Variants in EML4 observed in about 807,000 individuals in gnomAD.
EML4 encodes the protein echinoderm microtubule-associated protein-like 4.
A neutral mutation model predicts 129.0 loss-of-function variants in EML4; 72 were observed. The ratio of observed to expected loss-of-function variants is 0.56; its 90% CI spans 0.46 to 0.68. EML4 has a LOEUF of 0.68. Ranked by LOEUF, EML4 falls within the 30% of genes least tolerant of loss-of-function variation. EML4 has a pLI of 0.00. For synonymous variants in EML4, 532 were observed against 405.0 expected, an observed-to-expected ratio of 1.31 and a Z score of -3.77; for missense variants, 1,363 against 1,190.6, an observed-to-expected ratio of 1.14 and a Z score of -2.13.
chr2:42,325,548 T>C lies in EML4; in HGVS notation c.2236T>C (p.Leu746=), dbSNP rs746694589. 5.2e-6 allele frequency: 7 copies of C among 1,358,232 alleles called. No homozygotes were observed. The highest frequency in any genetic ancestry group is 2.9e-5 in the African/African-American group (2 of 69,468). 84.1% of individuals were successfully genotyped at this position (1,358,232 alleles called of 1,614,324 possible). A position where few individuals can be genotyped will look rare whatever the true frequency, so the allele number is the denominator to read the frequency against. The change falls in exon 20 of 23, where the codon TTG becomes CTG. Residue 746 remains leucine (L), a synonymous_variant. Coordinates refer to ENST00000318522, the MANE Select transcript of EML4 (RefSeq NM_019063.5). ...GTCTAACTCGGGAGACTATGAAATA[T>C]TGTACTGTAAGTATGAATGATTTTA... ...IMSNSGDYEI[L]YWDIPNGCKL... is the part of the protein sequence containing the mutation.
chr2:42,266,383 G>A (rs925041681), intron 6 of EML4, among the ~76,000 whole-genome samples: 8 of 152,162 alleles, frequency 5.3e-5, no homozygotes, highest in African/African-American at 1.9e-4. Context: ...GTCTTGCTCT[G>A]TTGCCCCGGC....
intron 22 of EML4, among the ~76,000 whole-genome samples, 158 bp from the exon 23 acceptor site, chr2:42,329,576 G>C (rs1482649966): frequency 6.6e-6 from 1 of 152,036 alleles, no homozygotes; most frequent in Non-Finnish European, 1.5e-5. Context: ...AGGAAATAAC[G>C]GCTAGCCTTA....
chr2:42,293,611 C>T (rs770585371), intron 11 of EML4, among the ~76,000 whole-genome samples: 6 of 151,878 alleles, frequency 4.0e-5, no homozygotes, highest in Non-Finnish European at 8.8e-5. Context: ...TCATCTTTAT[C>T]TTGGTTTTGT....
At chr2:42,235,815 C>A (rs1480975561) in intron 1 of EML4, among the ~76,000 whole-genome samples, 5 of 151,868 alleles carry the variant, frequency 3.3e-5, no homozygotes, top group Non-Finnish European at 7.4e-5. Flanking sequence ...TGTTTTTATG[C>A]CACAAAACCC....
At chr2:42,192,586 C>G (rs1558489041) in intron 1 of EML4, among the ~76,000 whole-genome samples, 1 of 152,060 alleles carries the variant, frequency 6.6e-6, no homozygotes, top group East Asian at 1.9e-4. Context: ...TCCAGTCCCT[C>G]AAATACTAGA....
Position 42,303,148 on chromosome 2 carries a change from G to A in EML4, c.1686G>A (p.Lys562=). The change falls in exon 15 of 23, where the codon AAG becomes AAA. Residue 562 remains lysine, a synonymous_variant. Coordinates refer to ENST00000318522, the MANE Select transcript of EML4 (RefSeq NM_019063.5). ...CAATCAGAGCTGTAGCAGAAGGAAA[G>A]GCAGATCAATTTTTAGTAGGCACAT... ...YGTIRAVAEG[K]ADQFLVGTSR... The A allele has an allele frequency of 6.2e-7, 1 of 1,614,066 alleles. No homozygotes were observed. The highest frequency in any genetic ancestry group is 8.5e-7 in the Non-Finnish European group (1 of 1,180,012).
intron 3 of EML4, among the ~76,000 whole-genome samples, chr2:42,257,975 G>A (rs1665449860): frequency 6.6e-6 from 1 of 152,098 alleles, no homozygotes; most frequent in South Asian, 2.1e-4. Flanking sequence ...CTAAGAAAAT[G>A]TTAGAAAATT....
intron 1 of EML4, among the ~76,000 whole-genome samples, chr2:42,173,067 T>A (rs1325816097): frequency 6.6e-6 from 1 of 152,190 alleles, no homozygotes; most frequent in Admixed American, 6.5e-5. Context: ...TTAGGATCTA[T>A]AAGAAACAAC....
At chr2:42,300,895 C>G (rs894054177) in intron 13 of EML4, among the ~76,000 whole-genome samples, 2 of 152,122 alleles carry the variant, frequency 1.3e-5, no homozygotes, top group Non-Finnish European at 2.9e-5. Context: ...GACACCTACC[C>G]TAGCTACCAT....
intron 1 of EML4, among the ~76,000 whole-genome samples, chr2:42,245,094 CTTTTTTTTTT>C (rs56808218): frequency 1.5e-5 from 1 of 66,562 alleles, no homozygotes; most frequent in African/African-American, 6.5e-5. Context: ...AATTTTCTTT[CTTTTTTTTTT>C]TTTTTTTTGA....
At chr2:42,223,922 T>C (rs145574872) in intron 1 of EML4, among the ~76,000 whole-genome samples, 55 of 152,284 alleles carry the variant, frequency 3.6e-4, no homozygotes, top group African/African-American at 1.2e-3. Context: ...ATAATACCAC[T>C]ACGGGTTCTC....
chr2:42,169,901 CCCTT>C lies in EML4; in HGVS notation c.25+271_25+274del, dbSNP rs1189348642. Reference sequence around the variant, plus strand: ...GCCCTCGTTCCCCCAAAGTGGGAACCCCTTCCTTCTCAGGCCCCCCGATAGCTGG... The same window carrying C: ...GCCCTCGTTCCCCCAAAGTGGGAACCCCTTCTCAGGCCCCCCGATAGCTGG... On this transcript the variant is annotated intron_variant, in intron 1 of 22. Transcript: ENST00000318522. 24 of 396,608 alleles carry C rather than the reference CCCTT, an allele frequency of 6.1e-5. No individual in the cohort carries two copies. The South Asian group carries it at 8.6e-4, about 14-fold the overall frequency. 24.6% of individuals were successfully genotyped at this position (396,608 alleles called of 1,614,324 possible).
chr2:42,303,040 A>G (rs1668379869), intron 14 of EML4, 64 bp from the exon 15 acceptor site: 8 of 1,523,562 alleles, frequency 5.3e-6, no homozygotes, highest in Non-Finnish European at 6.3e-6. Flanking sequence ...CTATAAATGC[A>G]GGCTTCGAGT....
chr2:42,326,153 G>C lies in EML4; in HGVS notation c.2243-1G>C. ...TATACTTCCTGTTTCTAAATTTAAA[G>C]GGGACATTCCAAATGGCTGCAAACT... On this transcript the variant is annotated splice_acceptor_variant, in intron 20 of 22. Transcript: ENST00000318522. LOFTEE classifies it high-confidence loss of function. 1 of 1,612,924 alleles carries C rather than the reference G, an allele frequency of 6.2e-7. No homozygotes were observed. Among genetic ancestry groups the C allele is most frequent in the Non-Finnish European group, 8.5e-7 (1 of 1,179,530 alleles).
intron 2 of EML4, among the ~76,000 whole-genome samples, chr2:42,249,546 A>G (rs900455606): frequency 6.6e-6 from 1 of 152,228 alleles, no homozygotes; most frequent in Non-Finnish European, 1.5e-5. Context: ...TGGGAAGGAC[A>G]TAAGTTGTCA....
chr2:42,260,858 A>T (rs537496900), intron 3 of EML4, among the ~76,000 whole-genome samples: 4 of 152,234 alleles, frequency 2.6e-5, no homozygotes, highest in Non-Finnish European at 4.4e-5. Flanking sequence ...CCAAGATGGC[A>T]AAGTTTATTA....
chr2:42,207,727 T>C (rs1672646537), intron 1 of EML4, among the ~76,000 whole-genome samples: 1 of 152,234 alleles, frequency 6.6e-6, no homozygotes, highest in Non-Finnish European at 1.5e-5. Flanking sequence ...CACTCAGTTC[T>C]GATTGGTTGA....
At chr2:42,234,570 C>G (rs1244017675) in intron 1 of EML4, among the ~76,000 whole-genome samples, 1 of 152,110 alleles carries the variant, frequency 6.6e-6, no homozygotes, top group Non-Finnish European at 1.5e-5. Flanking sequence ...CTCCATTAGC[C>G]CCCTTCTCCC....
chr2:42,216,389 T>A (rs1320786083), intron 1 of EML4, among the ~76,000 whole-genome samples: 1 of 151,526 alleles, frequency 6.6e-6, no homozygotes, highest in Non-Finnish European at 1.5e-5. Context: ...ATTACAGGTG[T>A]GTGCCACCAC....
Sources: allele counts gnomAD v4.1 joint callset (sites outside exome capture counted in the v4.1 genomes callset), GRCh38; gene constraint gnomAD v4.1.1; transcripts MANE v1.5; gene names NCBI Gene and HGNC (gene_info 2026-07-23, HGNC 2026-07-21).